GABRB1: variants seen among roughly 807,000 people sequenced by gnomAD.
The protein encoded by GABRB1 is gamma-aminobutyric acid type A receptor subunit beta1, also known as gamma-aminobutyric acid receptor subunit beta-1.
In GABRB1, 17 loss-of-function variants were observed where a neutral mutation model predicts 51.6. The ratio of observed to expected loss-of-function variants is 0.33; its 90% CI spans 0.23 to 0.49. The LOEUF is 0.49. GABRB1 is among the 20% of genes least tolerant of loss of function. GABRB1 has a pLI of 0.99. For missense variants in GABRB1, 410 were observed against 600.6 expected (o/e 0.68, Z 3.32); for synonymous variants, 247 against 218.9 (o/e 1.13, Z -1.14).
At chr4:47,372,476 C>T (rs1031475023) in intron 5 of GABRB1, among the ~76,000 whole-genome samples, 2 of 152,108 alleles carry the variant, frequency 1.3e-5, no homozygotes, top group South Asian at 4.1e-4. Context: ...CTTAGAGAAC[C>T]CCTCAAACCA....
At chr4:47,278,230 G>A (rs1452129181) in intron 4 of GABRB1, among the ~76,000 whole-genome samples, 5 of 152,136 alleles carry the variant, frequency 3.3e-5, no homozygotes, top group African/African-American at 1.2e-4. Context: ...CTGGCACGTA[G>A]TGAGCACATA....
intron 1 of GABRB1, among the ~76,000 whole-genome samples, chr4:47,001,291 C>T (rs905851754): frequency 3.4e-4 from 51 of 151,734 alleles, no homozygotes; most frequent in Non-Finnish European, 4.4e-4. Flanking sequence ...TACAGGCGCC[C>T]CCCACCACGC....
intron 3 of GABRB1, among the ~76,000 whole-genome samples, chr4:47,056,009 C>G (rs892466108): frequency 2.6e-5 from 4 of 152,170 alleles, no homozygotes; most frequent in Admixed American, 2.6e-4. Context: ...AAGGTTAAAT[C>G]ATCCATGAAC....
intron 4 of GABRB1, among the ~76,000 whole-genome samples, chr4:47,231,975 T>C (rs932951709): frequency 6.6e-6 from 1 of 152,196 alleles, no homozygotes; most frequent in East Asian, 1.9e-4. Context: ...GAGCATCTTA[T>C]TCTTTCCAAA....
intron 4 of GABRB1, among the ~76,000 whole-genome samples, chr4:47,220,969 G>T (rs1720746010): frequency 6.6e-6 from 1 of 151,918 alleles, no homozygotes; most frequent in South Asian, 2.1e-4. Flanking sequence ...AGTATTAAGT[G>T]CTCTGTAAAT....
At chr4:47,115,859 T>G (rs1451177623) in intron 3 of GABRB1, among the ~76,000 whole-genome samples, 4 of 152,332 alleles carry the variant, frequency 2.6e-5, no homozygotes, top group Admixed American at 2.6e-4. Context: ...TTTACATTAA[T>G]GCTGAAGCAA....
intron 4 of GABRB1, among the ~76,000 whole-genome samples, chr4:47,217,075 T>C (rs1720582893): frequency 6.6e-6 from 1 of 151,928 alleles, no homozygotes; most frequent in Admixed American, 6.6e-5. Context: ...AAACTCATTA[T>C]AATAAATAGG....
At chr4:47,328,787 G>A (rs1725350972) in intron 5 of GABRB1, among the ~76,000 whole-genome samples, 1 of 151,960 alleles carries the variant, frequency 6.6e-6, no homozygotes, top group South Asian at 2.1e-4. Flanking sequence ...GGAGCGGGGA[G>A]GGATAGCCTT....
chr4:47,102,321 A>G (rs1577910026), intron 3 of GABRB1, among the ~76,000 whole-genome samples: 1 of 151,988 alleles, frequency 6.6e-6, no homozygotes, highest in Non-Finnish European at 1.5e-5. Context: ...ATGCCTACCC[A>G]CAAGTACACT....
chr4:47,282,007 T>C (rs1305594876), intron 4 of GABRB1, among the ~76,000 whole-genome samples: 2 of 152,172 alleles, frequency 1.3e-5, no homozygotes, highest in Non-Finnish European at 2.9e-5. Flanking sequence ...TATGTATTAG[T>C]ACTTAATATG....
chr4:47,383,919 T>C (rs748645557), intron 5 of GABRB1, among the ~76,000 whole-genome samples: 1 of 152,142 alleles, frequency 6.6e-6, no homozygotes, highest in Non-Finnish European at 1.5e-5. Context: ...TGAGAATCAG[T>C]GATCCAAAAC....
chr4:47,379,302 T>C (rs982759872), intron 5 of GABRB1, among the ~76,000 whole-genome samples: 1 of 152,182 alleles, frequency 6.6e-6, no homozygotes, highest in Non-Finnish European at 1.5e-5. Context: ...TTTACAGTAG[T>C]GCAAAAGGGA....
In GABRB1 at chr4:47,251,097, G is replaced by C. The variant is rs1578035158; in HGVS notation, c.462-69030G>C. ...TAGGCTGTGTGAGAGGGAAGGTCTAGGGCTGAAGGCCGTTATTCAGATTCC... is the reference window on the plus strand; with the variant it reads ...TAGGCTGTGTGAGAGGGAAGGTCTACGGCTGAAGGCCGTTATTCAGATTCC... On this transcript the variant is annotated intron_variant, in intron 4 of 8. Coordinates refer to ENST00000295454, the MANE Select transcript of GABRB1 (RefSeq NM_000812.4). Among the ~76,000 whole-genome samples, 4 of 152,260 alleles carry C rather than the reference G, an allele frequency of 2.6e-5. No homozygotes were observed. The South Asian group carries it at 8.3e-4, about 32-fold the overall frequency.
chr4:47,010,191 C>T (rs1205948581), intron 1 of GABRB1, among the ~76,000 whole-genome samples: 1 of 152,112 alleles, frequency 6.6e-6, no homozygotes, highest in African/African-American at 2.4e-5. Flanking sequence ...TGAAACAATG[C>T]AGGAGGAATT....
chr4:47,017,034 T>G (rs1424849044), intron 1 of GABRB1, among the ~76,000 whole-genome samples: 1 of 152,214 alleles, frequency 6.6e-6, no homozygotes, highest in African/African-American at 2.4e-5. Context: ...AAAGCAGAAC[T>G]TGAGAATGCA....
At chr4:47,152,804 C>A (rs1035601210) in intron 3 of GABRB1, among the ~76,000 whole-genome samples, 4 of 152,038 alleles carry the variant, frequency 2.6e-5, no homozygotes, top group Non-Finnish European at 5.9e-5. Context: ...TTCTCCCTAA[C>A]CTCCCATATT....
intron 3 of GABRB1, among the ~76,000 whole-genome samples, chr4:47,070,033 T>TTTTTC (rs1553913463): frequency 4.6e-5 from 7 of 151,804 alleles, no homozygotes; most frequent in Admixed American, 1.3e-4. Flanking sequence ...GCTGTTTTTT[T>TTTTTC]TTTTCTTTTC....
intron 3 of GABRB1, among the ~76,000 whole-genome samples, chr4:47,139,707 T>C (rs749843297): frequency 2.0e-5 from 3 of 152,064 alleles, no homozygotes; most frequent in Non-Finnish European, 4.4e-5. Flanking sequence ...TAAATTTGTG[T>C]TAGCTGATTC....
At chr4:47,420,090 AAC>A (rs1578159772) in intron 8 of GABRB1, among the ~76,000 whole-genome samples, 1 of 152,224 alleles carries the variant, frequency 6.6e-6, no homozygotes, top group East Asian at 1.9e-4. Flanking sequence ...TCTAATCAGA[AAC>A]AGACTTACCT....
Sources: gnomAD v4.1 joint callset for allele counts (sites outside exome capture counted in the v4.1 genomes callset) on GRCh38, gnomAD v4.1.1 for gene constraint, MANE v1.5 for transcripts, NCBI Gene and HGNC (gene_info 2026-07-23, HGNC 2026-07-21) for gene names.